CDK11B: variants seen among roughly 807,000 people sequenced by gnomAD.
CDK11B encodes the protein cyclin-dependent kinase 11B.
CDK11B carries 37 observed loss-of-function variants against 84.0 expected under a neutral mutation model. The ratio of observed to expected loss-of-function variants is 0.44; its 90% CI spans 0.34 to 0.58. The LOEUF (loss-of-function observed/expected upper bound fraction) is 0.58, where lower values mean the gene tolerates loss of function less well. Ranked by LOEUF, CDK11B falls within the 20% of genes least tolerant of loss-of-function variation. The pLI is 0.02. For synonymous variants in CDK11B, 269 were observed against 309.8 expected (o/e 0.87, Z 1.38); for missense variants, 427 against 834.0 (o/e 0.51, Z 6.01).
chr1:1,651,881 G>A (rs1642061462), intron 4 of CDK11B, among the ~76,000 whole-genome samples: 1 of 150,456 alleles, frequency 6.6e-6, no homozygotes, highest in Non-Finnish European at 1.5e-5. Flanking sequence ...TGAATGGTCT[G>A]TGACACATGC....
Position 1,635,788 on chromosome 1 carries a change from G to T in CDK11B, c.2325C>A (p.Gly775=), listed in dbSNP as rs1474709138. 1 of 339,742 alleles carries T rather than the reference G, an allele frequency of 2.9e-6. No homozygotes were observed. The highest frequency in any genetic ancestry group is 4.8e-6 in the Non-Finnish European group (1 of 206,604). 21.0% of individuals were successfully genotyped at this position (339,742 alleles called of 1,614,324 possible). The part of the protein sequence containing the change: ...TTTNQGASAA[G]PGFSLKF ...TTCAGAACTTGAGGCTGAAGCCGGG[G>T]CCCGCGGCAGAGGCCCCCTGGTTCG... The change falls in exon 20 of 20, where the codon GGC becomes GGA. Residue 775 remains glycine, a synonymous_variant. Coordinates refer to ENST00000341832, the MANE Select transcript of CDK11B (RefSeq NM_033486.3).
chr1:1,637,239 C>T (rs763852352), intron 14 of CDK11B, 37 bp from the exon 15 acceptor site: 15 of 1,608,684 alleles, frequency 9.3e-6, no homozygotes, highest in Middle Eastern at 3.7e-4. Context: ...GACCTGGCTG[C>T]CCCCAGCCCA....
In CDK11B at chr1:1,649,816, A is replaced by G. The variant is rs1321012464; in HGVS notation, c.356-179T>C. On this transcript the variant is annotated intron_variant, in intron 4 of 19. Coordinates refer to ENST00000341832, the MANE Select transcript of CDK11B (RefSeq NM_033486.3). Reference sequence around the variant, plus strand: ...ATGGTGAAACCCCGTCTCTACTAAAAATACAAAAATTAGCTGGGCGTGGTG... The same window carrying G: ...ATGGTGAAACCCCGTCTCTACTAAAGATACAAAAATTAGCTGGGCGTGGTG... Among the ~76,000 whole-genome samples the G allele has an allele frequency of 4.5e-4, 68 of 151,890 alleles. No individual in the cohort carries two copies. The East Asian group carries it at 0.013, about 29-fold the overall frequency.
At chr1:1,653,104 C>A (rs1179377123) in intron 3 of CDK11B, among the ~76,000 whole-genome samples, 2 of 152,114 alleles carry the variant, frequency 1.3e-5, no homozygotes, top group African/African-American at 4.8e-5. Flanking sequence ...ATTGCAACCT[C>A]CCCTTCCAGT....
Position 1,636,724 on chromosome 1 carries a change from G to T in CDK11B, c.1875C>A (p.Phe625Leu), listed in dbSNP as rs373048979. 1 of 1,613,968 alleles carries T rather than the reference G, an allele frequency of 6.2e-7. No homozygotes were observed. Among genetic ancestry groups the T allele is most frequent in the Non-Finnish European group, 8.5e-7 (1 of 1,179,868 alleles). The part of the protein sequence containing the change: ...FGELLTQKPL[F>L]PGKSEIDQIN... ...TCTGATCGATTTCTGACTTCCCGGG[G>T]AACAGAGGCTTCTGAGTCAGCAGCT... The change falls in exon 17 of 20, where the codon TTC becomes TTA. Residue 625 changes from phenylalanine to leucine, a missense_variant. Physicochemically the swap from Phe to Leu is conservative, Grantham distance 22. Around this residue, in one of 12 missense-constraint regions of CDK11B, gnomAD observed 170 missense variants for 196.0 expected, o/e 0.87. Coordinates refer to ENST00000341832, the MANE Select transcript of CDK11B (RefSeq NM_033486.3).
At chr1:1,655,534 T>G (rs1298228449) in intron 2 of CDK11B, 50 bp from the exon 3 acceptor site, 4 of 1,505,720 alleles carry the variant, frequency 2.7e-6, no homozygotes, top group East Asian at 2.4e-5. Context: ...TTTTTTTTTC[T>G]TCATAGATAA....
chr1:1,651,212 T>C (rs1641959831), intron 4 of CDK11B, among the ~76,000 whole-genome samples: 1 of 152,214 alleles, frequency 6.6e-6, no homozygotes, highest in South Asian at 2.1e-4. Flanking sequence ...TTTTGGGGTG[T>C]GTTTTTCTCC....
At position 1,655,613 on chromosome 1, in the gene CDK11B, G is replaced by A. The variant is rs751263496; in HGVS notation, c.112-129C>T. ...AAACTTTCATATATACTCTGAATGAGCCAGTGTTATAAAATATAAAGAACT... is the reference window on the plus strand; with the variant it reads ...AAACTTTCATATATACTCTGAATGAACCAGTGTTATAAAATATAAAGAACT... On this transcript the variant is annotated intron_variant, in intron 2 of 19. Transcript: ENST00000341832. 5 of 1,348,848 alleles carry A rather than the reference G, an allele frequency of 3.7e-6. No individual in the cohort carries two copies. In the South Asian group the frequency reaches 7.8e-5, roughly 21 times the overall value. The allele number at this position is 1,348,848 out of a possible 1,614,324, so 83.6% of individuals were successfully genotyped here. A position where few individuals can be genotyped will look rare whatever the true frequency, so the allele number is the denominator to read the frequency against.
intron 2 of CDK11B, among the ~76,000 whole-genome samples, chr1:1,656,381 C>T (rs1158656565): frequency 6.6e-6 from 1 of 152,096 alleles, no homozygotes; most frequent in Admixed American, 6.5e-5. Flanking sequence ...GTCCCAGGTA[C>T]TCAGGAGGCT....
In CDK11B at chr1:1,653,614, C is replaced by A. The variant is rs142829249; in HGVS notation, c.228-1048G>T. 3.0e-3 allele frequency among the ~76,000 whole-genome samples: 462 copies of A among 152,092 alleles called. 2 individuals are homozygous for A. The highest frequency in any genetic ancestry group is 0.011 in the African/African-American group (444 of 41,508). On this transcript the variant is annotated intron_variant, in intron 3 of 19. Transcript: ENST00000341832. Reference sequence around the variant, plus strand: ...GGGATTACAGGCGCGAGCTACTGCACCCAGCCATTCACATCATATTTAAAC... The same window carrying A: ...GGGATTACAGGCGCGAGCTACTGCAACCAGCCATTCACATCATATTTAAAC...
At chr1:1,655,226 A>G in intron 3 of CDK11B, 143 bp downstream of exon 3, 2 of 1,057,762 alleles carry the variant, frequency 1.9e-6, no homozygotes, top group Non-Finnish European at 2.6e-6. Flanking sequence ...AAACCTCAAT[A>G]GTTACGCTAT....
intron 9 of CDK11B, 57 bp from the exon 10 acceptor site, chr1:1,641,170 G>A (rs1431648665): frequency 2.6e-6 from 4 of 1,526,350 alleles, no homozygotes; most frequent in African/African-American, 1.4e-5. Context: ...GCTGCCACAG[G>A]CAGGATGCGG....
Position 1,652,562 on chromosome 1 carries a change from C to T in CDK11B, c.232G>A (p.Glu78Lys). 6.8e-7 allele frequency: 1 copy of T among 1,463,148 alleles called. No homozygotes were observed. The highest frequency in any genetic ancestry group is 9.0e-7 in the Non-Finnish European group (1 of 1,113,492). 90.6% of individuals were successfully genotyped at this position (1,463,148 alleles called of 1,614,324 possible). A position where few individuals can be genotyped will look rare whatever the true frequency, so the allele number is the denominator to read the frequency against. Residue 78 changes from glutamate to lysine, a missense_variant, in exon 4 of 20, where the codon GAA becomes AAA. Physicochemically the swap from Glu to Lys is moderately conservative, Grantham distance 56. Transcript: ENST00000341832. ...RREDSMEDRG[E>K]EDDSLAIKPP... Reference sequence around the variant, plus strand: ...TTGATGGCCAAAGAATCATCTTCTTCTCCTCTGAAATAAAACACAACAGCA... The same window carrying T: ...TTGATGGCCAAAGAATCATCTTCTTTTCCTCTGAAATAAAACACAACAGCA...
At chr1:1,650,239 C>T (rs1313389032) in intron 4 of CDK11B, among the ~76,000 whole-genome samples, 1 of 107,420 alleles carries the variant, frequency 9.3e-6, no homozygotes, top group African/African-American at 4.1e-5. Flanking sequence ...CACTGTACTC[C>T]AGCCTGGGTG....
intron 4 of CDK11B, among the ~76,000 whole-genome samples, chr1:1,650,080 C>G (rs1364169578): frequency 2.0e-5 from 3 of 150,892 alleles, no homozygotes; most frequent in Non-Finnish European, 4.4e-5. Context: ...ACCATCCTGG[C>G]TAACACGGTG....
intron 2 of CDK11B, among the ~76,000 whole-genome samples, chr1:1,656,508 C>T (rs1293881426): frequency 6.6e-6 from 1 of 151,438 alleles, no homozygotes; most frequent in Non-Finnish European, 1.5e-5. Context: ...CAAAAAAGGC[C>T]GGGCGCGGAG....
rs191134616 is a variant in CDK11B, at chr1:1,654,799, A to C, written c.227+570T>G. ...TCAGCCTCCCGAGTAGCTGGGACTA[A>C]AGGCGCCTGCCACCACGCCCGGCTA... On this transcript the variant is annotated intron_variant, in intron 3 of 19. Coordinates refer to ENST00000341832, the MANE Select transcript of CDK11B (RefSeq NM_033486.3). Among the ~76,000 whole-genome samples, 278 of 151,754 alleles carry C rather than the reference A, an allele frequency of 1.8e-3. 7 individuals carry two copies. Among genetic ancestry groups the C allele is most frequent in the South Asian group, 0.018 (86 of 4,782 alleles).
chr1:1,636,525 A>G lies in CDK11B; in HGVS notation c.1918-44T>C, dbSNP rs1199719794. 8 of 1,596,008 alleles carry G rather than the reference A, an allele frequency of 5.0e-6. No homozygotes were observed. In the African/African-American group the frequency reaches 6.7e-5, roughly 13 times the overall value. Reference sequence around the variant, plus strand: ...TCAACAGCCACACCAAGTGGCCCACAGTGTTGGCACCTGTGTCCCGTCAGA... The same window carrying G: ...TCAACAGCCACACCAAGTGGCCCACGGTGTTGGCACCTGTGTCCCGTCAGA... On this transcript the variant is annotated intron_variant, in intron 17 of 19. Transcript: ENST00000341832.
rs370329622 is a variant in CDK11B at position 1,637,464 on chromosome 1, T to C, written c.1514A>G (p.Tyr505Cys). 1.4e-5 allele frequency: 23 copies of C among 1,613,604 alleles called. No homozygotes were observed. Among genetic ancestry groups the C allele is most frequent in the Non-Finnish European group, 1.4e-5 (16 of 1,179,688 alleles). ...NMDKIYIVMN[Y>C]VEHDLKSLME... ...CAGGCTCTTGAGGTCGTGCTCCACA[T>C]AGTTCATCACGATGTAGATCTTGTC... Residue 505 changes from tyrosine (Y) to cysteine (C), a missense_variant, in exon 14 of 20, where the codon TAT (tyrosine) becomes TGT (cysteine). Tyr to Cys is a radical substitution (Grantham distance 194, BLOSUM62 -2). Around this residue, in one of 12 missense-constraint regions of CDK11B, gnomAD observed 24 missense variants for 93.2 expected, o/e 0.26. Coordinates refer to ENST00000341832, the MANE Select transcript of CDK11B (RefSeq NM_033486.3).
Sources: allele counts gnomAD v4.1 joint callset (sites outside exome capture counted in the v4.1 genomes callset), GRCh38; gene constraint gnomAD v4.1.1; regional missense constraint gnomAD v4.1.1; transcripts MANE v1.5; gene names NCBI Gene and HGNC (gene_info 2026-07-23, HGNC 2026-07-21).